The following ZIC4 variants were observed in gnomAD, a reference collection of about 807,000 sequenced individuals.
ZIC4 encodes zinc finger protein ZIC 4.
In ZIC4, 15 loss-of-function variants were observed where a neutral mutation model predicts 28.8. The observed-to-expected ratio is 0.52, with a 90% CI of 0.35 to 0.80. The LOEUF (loss-of-function observed/expected upper bound fraction) is 0.80. Among genes scored for constraint, ZIC4 ranks in the 30% least tolerant of loss-of-function variants. The probability of loss-of-function intolerance (pLI) is 0.01; values close to 1 mark genes in which losing one functional copy is unlikely to be tolerated. For synonymous variants in ZIC4, 220 were observed against 198.1 expected, an observed-to-expected ratio of 1.11 and a Z score of -0.93; for missense variants, 512 against 467.1, an observed-to-expected ratio of 1.10 and a Z score of -0.89.
At position 147,390,964 on chromosome 3, in the gene ZIC4, G is replaced by T. The variant is rs1036494828; in HGVS notation, c.971C>A (p.Ala324Glu). ...GHKSQVASSA[A>E]VAARTADLSE ...CAAGTCGGCGGTACGCGCCGCCACC[G>T]CCGCCGAGGAGGCCACCTGGGACTT... The change falls in exon 4 of 5, where the codon GCG (alanine) becomes GAG (glutamate). Residue 324 changes from alanine (A) to glutamate (E), a missense_variant. Ala to Glu is a moderately radical substitution (Grantham distance 107). This residue lies in a region of ZIC4 where 144 missense variants were observed against 116.8 expected (regional missense o/e 1.23). Transcript: ENST00000383075. 25 of 1,611,450 alleles carry T rather than the reference G, an allele frequency of 1.6e-5. No individual in the cohort carries two copies. Among genetic ancestry groups the T allele is most frequent in the Non-Finnish European group, 2.1e-5 (25 of 1,179,090 alleles).
At chr3:147,398,364 C>T (rs2087094847) in intron 2 of ZIC4, among the ~76,000 whole-genome samples, 1 of 152,182 alleles carries the variant, frequency 6.6e-6, no homozygotes, top group Non-Finnish European at 1.5e-5. Context: ...GTTTCCCCTT[C>T]CAGGCTCTGA....
At position 147,396,126 on chromosome 3, in the gene ZIC4, G is replaced by C. The variant is rs373220967; in HGVS notation, c.414C>G (p.Thr138=). The C allele has an allele frequency of 6.2e-7, 1 of 1,613,716 alleles. No homozygotes were observed. The highest frequency in any genetic ancestry group is 8.5e-7 in the Non-Finnish European group (1 of 1,179,960). The change falls in exon 3 of 5, where the codon ACC becomes ACG. Residue 138 remains threonine, a synonymous_variant. Coordinates refer to ENST00000383075, the MANE Select transcript of ZIC4 (RefSeq NM_032153.6). The surrounding 1 kb of genome is among the most constrained non-coding windows in gnomAD (Gnocchi z 4.2). Reference sequence around the variant, plus strand: ...TTTTGGAGCAGAGGCTCGGGGTCGCGGTGCCGTCGGCCGCCAGCCACTTGC... The same window carrying C: ...TTTTGGAGCAGAGGCTCGGGGTCGCCGTGCCGTCGGCCGCCAGCCACTTGC... ...LICKWLAADG[T]ATPSLCSKTF...
chr3:147,404,014 T>G (rs1206176009), intron 1 of ZIC4: 3 of 1,537,072 alleles, frequency 2.0e-6, no homozygotes, highest in East Asian at 2.4e-5. Flanking sequence ...CAAAAGGCAT[T>G]CTTCCCCAAA....
intron 1 of ZIC4, chr3:147,404,342 T>C: frequency 7.9e-7 from 1 of 1,267,400 alleles, no homozygotes; most frequent in Non-Finnish European, 1.0e-6. Context: ...AAACAAATAT[T>C]GCAGAGATTG....
chr3:147,388,630 T>C lies in ZIC4; in HGVS notation c.*229A>G. The C allele has an allele frequency of 3.8e-6, 2 of 519,822 alleles. No homozygotes were observed. 32.2% of individuals were successfully genotyped at this position (519,822 alleles called of 1,614,324 possible). On this transcript the variant is annotated 3_prime_UTR_variant, in exon 5 of 5. Coordinates refer to ENST00000383075, the MANE Select transcript of ZIC4 (RefSeq NM_032153.6). The stretch of plus-strand genomic sequence containing the variant: ...TTGTATACACAAGAAAAAAGGTCTG[T>C]TAGACGTAAATATTATGTCCTTAAT...
intron 1 of ZIC4, chr3:147,404,066 G>A (rs1165938854): frequency 1.3e-6 from 2 of 1,537,114 alleles, no homozygotes; most frequent in East Asian, 2.4e-5. Context: ...AAGAAAGGAG[G>A]CCTAACTTTG....
At chr3:147,399,120 A>G (rs1276312835) in intron 2 of ZIC4, among the ~76,000 whole-genome samples, 1 of 151,982 alleles carries the variant, frequency 6.6e-6, no homozygotes, top group Non-Finnish European at 1.5e-5. Context: ...AGAGTATTTG[A>G]CTGCCAGACC....
chr3:147,391,066 C>G lies in ZIC4; in HGVS notation c.869G>C (p.Arg290Pro). The change falls in exon 4 of 5, where the codon CGC (arginine) becomes CCC (proline). Residue 290 changes from arginine (R) to proline (P), a missense_variant. This residue lies in a region of ZIC4 where 144 missense variants were observed against 116.8 expected (regional missense o/e 1.23). Transcript: ENST00000383075. ...GTAGCCAGAGCTGGGCGGCGGCGAG[C>G]GCCCGTGCACCTTCATGTGCTTACG... ...SLRKHMKVHG[R>P]SPPPSSGYDS... 6.2e-7 allele frequency: 1 copy of G among 1,613,894 alleles called. No individual in the cohort carries two copies. Among genetic ancestry groups the G allele is most frequent in the Non-Finnish European group, 8.5e-7 (1 of 1,180,034 alleles).
At chr3:147,400,058 T>C (rs553145128) in intron 2 of ZIC4, among the ~76,000 whole-genome samples, 56 of 152,346 alleles carry the variant, frequency 3.7e-4, no homozygotes, top group African/African-American at 1.2e-3. Context: ...TTTAGTTGTT[T>C]CAGGCTGTGG....
Position 147,386,537 on chromosome 3 carries a change from G to C in ZIC4, c.*2322C>G, listed in dbSNP as rs920765519. The C allele has an allele frequency of 6.6e-6, 1 of 152,616 alleles. No homozygotes were observed. 9.5% of individuals were successfully genotyped at this position (152,616 alleles called of 1,614,324 possible). A position where few individuals can be genotyped will look rare whatever the true frequency, so the allele number is the denominator to read the frequency against. On this transcript the variant is annotated 3_prime_UTR_variant, in exon 5 of 5. Coordinates refer to ENST00000383075, the MANE Select transcript of ZIC4 (RefSeq NM_032153.6). ...TAATAACAGCATGGGTTACAGCTTG[G>C]AAAAACTTCTTTACAAGCCATTTAT...
chr3:147,404,067 C>A, intron 1 of ZIC4: 1 of 1,537,110 alleles, frequency 6.5e-7, no homozygotes, highest in Non-Finnish European at 8.7e-7. Flanking sequence ...AGAAAGGAGG[C>A]CTAACTTTGC....
chr3:147,398,580 C>A (rs2087100900), intron 2 of ZIC4, among the ~76,000 whole-genome samples: 1 of 152,144 alleles, frequency 6.6e-6, no homozygotes, highest in Non-Finnish European at 1.5e-5. Flanking sequence ...TCAGCTGCGT[C>A]GTCCGGCGAT....
intron 1 of ZIC4, chr3:147,405,566 C>T (rs761776043): frequency 8.4e-6 from 11 of 1,314,886 alleles, no homozygotes; most frequent in Non-Finnish European, 1.1e-5. Context: ...ATTTCCAATG[C>T]CCCTGGGTCT....
intron 3 of ZIC4, among the ~76,000 whole-genome samples, chr3:147,394,131 T>TCTCTCTCTCTCTCTCA: frequency 6.6e-6 from 1 of 151,778 alleles, no homozygotes; most frequent in Non-Finnish European, 1.5e-5. Flanking sequence ...TCTCTCTCTC[T>TCTCTCTCTCTCTCTCA]CTCTCTCTCT....
chr3:147,402,676 G>T, intron 2 of ZIC4, 52 bp downstream of exon 2: 1 of 1,426,730 alleles, frequency 7.0e-7, no homozygotes, highest in Non-Finnish European at 9.5e-7. Context: ...AAAAGAAGAA[G>T]AAGAAGAAAA....
chr3:147,402,457 G>A (rs1279785998), intron 2 of ZIC4, among the ~76,000 whole-genome samples: 27 of 152,272 alleles, frequency 1.8e-4, no homozygotes, highest in Admixed American at 1.8e-3. Context: ...TTCAATGAGA[G>A]AATCGTCAAA....
At position 147,391,141 on chromosome 3, in the gene ZIC4, G is replaced by A. The variant is rs563376019; in HGVS notation, c.794C>T (p.Thr265Met). The stretch of plus-strand genomic sequence containing the variant: ...CTTGTCGCAGCCCCGCACCTTGCAC[G>A]TGTATGGCTTGTCGCTAGTGTGCAC... ...SHVHTSDKPYTCKVRGCDKCY... is the reference protein window; with the variant it reads ...SHVHTSDKPYMCKVRGCDKCY... The change falls in exon 4 of 5, where the codon ACG becomes ATG. Residue 265 changes from threonine (T) to methionine (M), a missense_variant. This residue lies in a region of ZIC4 where 144 missense variants were observed against 116.8 expected (regional missense o/e 1.23). Coordinates refer to ENST00000383075, the MANE Select transcript of ZIC4 (RefSeq NM_032153.6). 20 of 1,613,846 alleles carry A rather than the reference G, an allele frequency of 1.2e-5. 1 individual carries two copies. The South Asian group carries it at 2.0e-4, about 16-fold the overall frequency.
chr3:147,395,642 G>A (rs2107973336), intron 3 of ZIC4, among the ~76,000 whole-genome samples: 1 of 152,220 alleles, frequency 6.6e-6, no homozygotes, highest in Middle Eastern at 3.4e-3. Flanking sequence ...CCCCAGAACA[G>A]AAATCCCGCA....
At chr3:147,405,785 C>A in intron 1 of ZIC4, 1 of 433,502 alleles carries the variant, frequency 2.3e-6, no homozygotes, top group Admixed American at 3.8e-5. Context: ...CGGCATCTGC[C>A]GTCAGGTTGG....
Sources: gnomAD v4.1 joint callset for allele counts (sites outside exome capture counted in the v4.1 genomes callset) on GRCh38, gnomAD v4.1.1 for gene constraint, gnomAD v4.1.1 regional missense constraint, Gnocchi (gnomAD v3.1) non-coding constraint, MANE v1.5 for transcripts, NCBI Gene and HGNC (gene_info 2026-07-23, HGNC 2026-07-21) for gene names.